TOR1AIP2: variants seen among roughly 807,000 people sequenced by gnomAD.
TOR1AIP2 encodes the protein torsin-1A-interacting protein 2.
In TOR1AIP2, 20 loss-of-function variants were observed where a neutral mutation model predicts 32.6. The observed-to-expected ratio is 0.61, with a 90% CI of 0.43 to 0.89. The LOEUF (loss-of-function observed/expected upper bound fraction) is 0.89, where lower values mean the gene tolerates loss of function less well. Among genes scored for constraint, TOR1AIP2 ranks in the 40% least tolerant of loss-of-function variants. The pLI, the probability that TOR1AIP2 is intolerant of heterozygous loss-of-function variation, is 0.00. For missense variants in TOR1AIP2, 456 were observed against 553.8 expected, an observed-to-expected ratio of 0.82 and a Z score of 1.77; for synonymous variants, 214 against 210.8, an observed-to-expected ratio of 1.02 and a Z score of -0.13.
At chr1:179,869,359 G>A (rs1186500497) in intron 2 of TOR1AIP2, among the ~76,000 whole-genome samples, 1 of 152,154 alleles carries the variant, frequency 6.6e-6, no homozygotes, top group Non-Finnish European at 1.5e-5. Flanking sequence ...AGGGAAGGGT[G>A]GGGGATGGAG....
chr1:179,863,635 C>T, intron 3 of TOR1AIP2: 1 of 978,210 alleles, frequency 1.0e-6, no homozygotes, highest in Non-Finnish European at 1.2e-6. Flanking sequence ...TGGAGACCAG[C>T]CTGGGTCATA....
At chr1:179,856,683 C>CT (rs1392444827) in intron 3 of TOR1AIP2, among the ~76,000 whole-genome samples, 1 of 152,122 alleles carries the variant, frequency 6.6e-6, no homozygotes, top group Non-Finnish European at 1.5e-5. Flanking sequence ...GTGGTGTAAT[C>CT]TTGGCTCACC....
At position 179,851,257 on chromosome 1, in the gene TOR1AIP2, A is replaced by G. The variant is rs150297600; in HGVS notation, c.141T>C (p.Cys47=). 7.0e-4 allele frequency: 1,123 copies of G among 1,612,584 alleles called. 11 individuals are homozygous for G. In the African/African-American group the frequency reaches 0.013, roughly 18 times the overall value. ...AEEAEILHSA[C]GLSKDHQEVE... ...CCTCTTGGTGGTCTTTGCTAAGACC[A>G]CAGGCAGAGTGTAGGATCTCAGCTT... The change falls in exon 5 of 7, where the codon TGT becomes TGC. Residue 47 remains cysteine, a synonymous_variant. Coordinates refer to ENST00000609928, the MANE Select transcript of TOR1AIP2 (RefSeq NM_001199260.2).
In TOR1AIP2 at chr1:179,852,625, G is replaced by A. The variant is rs779307545; in HGVS notation, c.34+7C>T. ...AGCAACCTCAGTGCCAGACAAATCA[G>A]TCTTACCCTCTTGAGGTTCCCTAAG... On this transcript the variant is annotated splice_region_variant and intron_variant, in intron 4 of 6. Coordinates refer to ENST00000609928, the MANE Select transcript of TOR1AIP2 (RefSeq NM_001199260.2). The A allele has an allele frequency of 3.7e-6, 6 of 1,613,964 alleles. No individual in the cohort carries two copies. In the Admixed American group the frequency reaches 1.0e-4, roughly 27 times the overall value.
chr1:179,868,790 T>C (rs1696896127), intron 2 of TOR1AIP2: 1 of 152,238 alleles, frequency 6.6e-6, no homozygotes, highest in African/African-American at 2.4e-5. Flanking sequence ...CACATTCTTA[T>C]ATAAACTTTC....
chr1:179,852,563 G>T (rs1696155390), intron 4 of TOR1AIP2, 69 bp downstream of exon 4: 1 of 1,546,914 alleles, frequency 6.5e-7, no homozygotes. Flanking sequence ...AGTCATCAGA[G>T]ATTTTCTCTC....
At chr1:179,846,931 T>C in intron 6 of TOR1AIP2, 103 bp from the exon 7 acceptor site, 2 of 1,265,888 alleles carry the variant, frequency 1.6e-6, no homozygotes, top group East Asian at 2.4e-5. Context: ...CAGGTTTTAC[T>C]AGGAGCAATA....
At chr1:179,877,155 A>T (rs1647390074) in intron 2 of TOR1AIP2, 84 bp downstream of exon 2, 1 of 152,134 alleles carries the variant, frequency 6.6e-6, no homozygotes, top group Non-Finnish European at 1.5e-5. Flanking sequence ...CTAAACCCAA[A>T]AATTTACTCA....
chr1:179,860,642 GTAT>G, intron 3 of TOR1AIP2: 9 of 982,286 alleles, frequency 9.2e-6, no homozygotes, highest in Non-Finnish European at 1.1e-5. Context: ...TATGAGGTAG[GTAT>G]TATTACACAA....
chr1:179,864,662 T>G, intron 3 of TOR1AIP2: 1 of 1,484,370 alleles, frequency 6.7e-7, no homozygotes, highest in Non-Finnish European at 8.9e-7. Context: ...TCCAACAATT[T>G]AAGCAGTTCC....
At chr1:179,865,957 A>C (rs1696754768) in intron 2 of TOR1AIP2, 103 bp from the exon 3 acceptor site, 2 of 152,676 alleles carry the variant, frequency 1.3e-5, no homozygotes, top group South Asian at 4.1e-4. Flanking sequence ...AAGGCAGATA[A>C]GAAATGTCTC....
intron 2 of TOR1AIP2, among the ~76,000 whole-genome samples, chr1:179,876,911 G>A (rs1056843789): frequency 6.6e-6 from 1 of 151,968 alleles, no homozygotes; most frequent in African/African-American, 2.4e-5. Context: ...ACAATTGGGA[G>A]AATGGTACAT....
intron 3 of TOR1AIP2, chr1:179,861,421 C>G: frequency 1.0e-6 from 1 of 985,296 alleles, no homozygotes; most frequent in Non-Finnish European, 1.2e-6. Flanking sequence ...TTTATGAGCT[C>G]TACTACATGA....
At position 179,851,083 on chromosome 1, in the gene TOR1AIP2, T is replaced by C. The variant is rs1259026196; in HGVS notation, c.315A>G (p.Ser105=). 1.9e-6 allele frequency: 3 copies of C among 1,614,140 alleles called. No individual in the cohort carries two copies. The highest frequency in any genetic ancestry group is 2.5e-6 in the Non-Finnish European group (3 of 1,180,044). The part of the protein sequence containing the change: ...LDGGKGHHLP[S]ENLGKEPLDP... Reference sequence around the variant, plus strand: ...CCAAGGGTTCTTTACCCAGATTTTCTGAAGGGAGGTGATGCCCTTTTCCGC... The same window carrying C: ...CCAAGGGTTCTTTACCCAGATTTTCCGAAGGGAGGTGATGCCCTTTTCCGC... Residue 105 remains serine, a synonymous_variant, in exon 5 of 7, where the codon TCA becomes TCG. Coordinates refer to ENST00000609928, the MANE Select transcript of TOR1AIP2 (RefSeq NM_001199260.2).
chr1:179,856,966 A>C (rs1696325718), intron 3 of TOR1AIP2, among the ~76,000 whole-genome samples: 2 of 152,214 alleles, frequency 1.3e-5, no homozygotes, highest in Admixed American at 6.5e-5. Flanking sequence ...GTATGTGTTC[A>C]TTAGGAACCT....
chr1:179,846,765 G>T lies in TOR1AIP2; in HGVS notation c.719C>A (p.Ser240Tyr), dbSNP rs765266318. The change falls in exon 7 of 7, where the codon TCC (serine) becomes TAC (tyrosine). Residue 240 changes from serine to tyrosine, a missense_variant. Transcript: ENST00000609928. The stretch of plus-strand genomic sequence containing the variant: ...TTTGGGCACTTGCTGGGCTGGAGAG[G>T]AATAGTAGCTATTCACAGAACTTGC... ...VVASSVNSYY[S>Y]SPAQQVPKNP... is the part of the protein sequence containing the mutation. The T allele has an allele frequency of 5.0e-6, 8 of 1,613,578 alleles. No individual in the cohort carries two copies. In the East Asian group the frequency reaches 1.8e-4, roughly 36 times the overall value.
At chr1:179,863,585 T>C (rs1036288564) in intron 3 of TOR1AIP2, 1 of 983,646 alleles carries the variant, frequency 1.0e-6, no homozygotes, top group South Asian at 4.7e-5. Flanking sequence ...TCCCAGCACC[T>C]TGGGAGACCG....
At chr1:179,857,739 G>C (rs557609792) in intron 3 of TOR1AIP2, among the ~76,000 whole-genome samples, 1 of 152,240 alleles carries the variant, frequency 6.6e-6, no homozygotes, top group East Asian at 1.9e-4. Flanking sequence ...ATTTGGGCCA[G>C]GTATGATGGC....
chr1:179,859,702 T>A, intron 3 of TOR1AIP2: 1 of 985,468 alleles, frequency 1.0e-6, no homozygotes, highest in Non-Finnish European at 1.2e-6. Context: ...GTGACAAAAA[T>A]CTGCCTTCGG....
Sources: gnomAD v4.1 joint callset for allele counts (sites outside exome capture counted in the v4.1 genomes callset) on GRCh38, gnomAD v4.1.1 for gene constraint, MANE v1.5 for transcripts, NCBI Gene and HGNC (gene_info 2026-07-23, HGNC 2026-07-21) for gene names.